DLGAP1: variants seen among roughly 807,000 people sequenced by gnomAD.
DLGAP1 encodes disks large-associated protein 1.
DLGAP1 carries 11 observed loss-of-function variants against 90.8 expected under a neutral mutation model. The ratio of observed to expected loss-of-function variants is 0.12; its 90% CI spans 0.08 to 0.20. The LOEUF (loss-of-function observed/expected upper bound fraction) is 0.20, where lower values mean the gene tolerates loss of function less well. Ranked by LOEUF, DLGAP1 falls within the 10% of genes least tolerant of loss-of-function variation. The pLI, the probability that DLGAP1 is intolerant of heterozygous loss-of-function variation, is 1.00. For missense variants in DLGAP1, 1,050 were observed against 1,333.8 expected (o/e 0.79, Z 3.31); for synonymous variants, 558 against 540.7 (o/e 1.03, Z -0.44).
At chr18:3,741,165 C>CCATCACCATCACCACCACCAT (rs2062972870) in intron 6 of DLGAP1, among the ~76,000 whole-genome samples, 1 of 97,316 alleles carries the variant, frequency 1.0e-5, no homozygotes, top group Non-Finnish European at 2.2e-5. Context: ...ACCACCATCA[C>CCATCACCATCACCACCACCAT]CACCACATCA....
chr18:4,171,321 G>A (rs1352718034), intron 1 of DLGAP1, among the ~76,000 whole-genome samples: 1 of 152,034 alleles, frequency 6.6e-6, no homozygotes, highest in Non-Finnish European at 1.5e-5. Flanking sequence ...AGATCACGAG[G>A]TCAGGAGATT....
At chr18:3,506,380 G>GCA (rs2050217707) in intron 11 of DLGAP1, among the ~76,000 whole-genome samples, 1 of 151,896 alleles carries the variant, frequency 6.6e-6, no homozygotes. Flanking sequence ...GGCTGTGGTG[G>GCA]CGCATGCCTG....
intron 1 of DLGAP1, among the ~76,000 whole-genome samples, chr18:4,249,716 C>A (rs1326878506): frequency 6.6e-6 from 1 of 152,124 alleles, no homozygotes; most frequent in African/African-American, 2.4e-5. Flanking sequence ...GCCTTCCCAG[C>A]AGCTGGGACT....
chr18:4,174,495 C>T lies in DLGAP1; in HGVS notation c.-266-23208G>A, dbSNP rs185721628. On this transcript the variant is annotated intron_variant, in intron 1 of 12. Transcript: ENST00000315677. Reference sequence around the variant, plus strand: ...GATTACAGGCGCCCACCACCACGCCCGGCTAATTTTTGTATTTTTAGTAGA... The same window carrying T: ...GATTACAGGCGCCCACCACCACGCCTGGCTAATTTTTGTATTTTTAGTAGA... Among the ~76,000 whole-genome samples the T allele has an allele frequency of 5.9e-3, 896 of 151,824 alleles. 2 individuals are homozygous for T. The highest frequency in any genetic ancestry group is 0.017 in the African/African-American group (705 of 41,432).
At chr18:3,778,063 T>G (rs1411141768) in intron 5 of DLGAP1, among the ~76,000 whole-genome samples, 1 of 152,218 alleles carries the variant, frequency 6.6e-6, no homozygotes, top group Non-Finnish European at 1.5e-5. Context: ...CTCTAGAATT[T>G]CTGATTAAAG....
intron 1 of DLGAP1, among the ~76,000 whole-genome samples, chr18:4,203,158 C>T (rs1430404614): frequency 6.6e-6 from 1 of 151,762 alleles, no homozygotes; most frequent in Non-Finnish European, 1.5e-5. Flanking sequence ...GCCTGTAGTC[C>T]CAGCTACTTG....
intron 5 of DLGAP1, among the ~76,000 whole-genome samples, chr18:3,782,533 G>A (rs935916762): frequency 6.6e-6 from 1 of 152,226 alleles, no homozygotes; most frequent in African/African-American, 2.4e-5. Context: ...TAAATCAGAA[G>A]AACTCAAGGG....
rs1198410094 is a variant in DLGAP1, at chr18:3,879,704, T to C, written c.365A>G (p.Gln122Arg). ...PLSRDGYHTLQYKRTAVEHRS... is the reference protein window; with the variant it reads ...PLSRDGYHTLRYKRTAVEHRS... ...GTGCTCCACGGCCGTGCGCTTGTAC[T>C]GCAGGGTGTGATAGCCATCGCGGCT... The change falls in exon 4 of 13, where the codon CAG becomes CGG. Residue 122 changes from glutamine (Q) to arginine (R), a missense_variant. This residue lies in a region of DLGAP1 where 485 missense variants were observed against 454.1 expected (regional missense o/e 1.07). Transcript: ENST00000315677. The surrounding 1 kb of genome is among the most constrained non-coding windows in gnomAD (Gnocchi z 6.6). 1.9e-6 allele frequency: 3 copies of C among 1,608,626 alleles called. No homozygotes were observed. Among genetic ancestry groups the C allele is most frequent in the South Asian group, 1.1e-5 (1 of 91,068 alleles).
rs12454847 is a variant in DLGAP1, at chr18:3,951,645, A to G, written c.-73+53471T>C. Among the ~76,000 whole-genome samples, 307 of 152,242 alleles carry G rather than the reference A, an allele frequency of 2.0e-3. 4 individuals are homozygous for G. The highest frequency in any genetic ancestry group is 0.018 in the Admixed American group (281 of 15,286). ...AAATCTCATCTTGAATTGTAATCTG[A>G]ATTGTAATTCCTACGTGTTGGGAGA... On this transcript the variant is annotated intron_variant, in intron 3 of 12. Coordinates refer to ENST00000315677, the MANE Select transcript of DLGAP1 (RefSeq NM_004746.4).
intron 3 of DLGAP1, among the ~76,000 whole-genome samples, chr18:3,993,732 ATC>A (rs1450333215): frequency 2.6e-5 from 4 of 152,074 alleles, no homozygotes; most frequent in African/African-American, 9.7e-5. Flanking sequence ...GAGAGAATGA[ATC>A]TCTCATAGTT....
chr18:4,234,446 T>G (rs2078362633), intron 1 of DLGAP1, among the ~76,000 whole-genome samples: 1 of 152,160 alleles, frequency 6.6e-6, no homozygotes, highest in South Asian at 2.1e-4. Flanking sequence ...TGCTGTACAT[T>G]TTCAATATGT....
intron 2 of DLGAP1, among the ~76,000 whole-genome samples, chr18:4,044,190 C>A (rs1001543939): frequency 1.3e-5 from 2 of 152,192 alleles, no homozygotes; most frequent in African/African-American, 4.8e-5. Context: ...GTCTGGGTTT[C>A]TCTTTCCTGG....
chr18:3,810,388 G>T (rs1205468919), intron 5 of DLGAP1, among the ~76,000 whole-genome samples: 2 of 152,158 alleles, frequency 1.3e-5, no homozygotes, highest in Non-Finnish European at 2.9e-5. Context: ...GAAAGTGTAG[G>T]AGTGCCTTCT....
At chr18:4,083,973 C>A (rs568047917) in intron 2 of DLGAP1, among the ~76,000 whole-genome samples, 1 of 152,076 alleles carries the variant, frequency 6.6e-6, no homozygotes, top group Non-Finnish European at 1.5e-5. Context: ...CTGGAAAAAT[C>A]GGATCACACG....
intron 7 of DLGAP1, among the ~76,000 whole-genome samples, chr18:3,670,723 T>C (rs2060058311): frequency 6.6e-6 from 1 of 152,232 alleles, no homozygotes; most frequent in African/African-American, 2.4e-5. Context: ...TGCTTAAATG[T>C]AAGTCACAAT....
chr18:3,591,683 C>T (rs79410933), intron 7 of DLGAP1, among the ~76,000 whole-genome samples: 597 of 151,792 alleles, frequency 3.9e-3, no homozygotes, highest in Non-Finnish European at 7.3e-3. Context: ...GGCGACAGAG[C>T]AAGACTACGT....
At chr18:3,532,810 A>G (rs1468458590) in intron 10 of DLGAP1, among the ~76,000 whole-genome samples, 1 of 152,230 alleles carries the variant, frequency 6.6e-6, no homozygotes, top group South Asian at 2.1e-4. Context: ...AACATACAAC[A>G]TTAAAATACA....
chr18:3,560,857 T>C (rs943475242), intron 9 of DLGAP1, among the ~76,000 whole-genome samples: 15 of 150,816 alleles, frequency 9.9e-5, no homozygotes, highest in Non-Finnish European at 2.1e-4. Flanking sequence ...TAATTTTACT[T>C]CTCTTTTACC....
chr18:4,031,423 G>A (rs1258341702), intron 2 of DLGAP1, among the ~76,000 whole-genome samples: 4 of 152,040 alleles, frequency 2.6e-5, no homozygotes, highest in African/African-American at 9.7e-5. Flanking sequence ...CTAAAATAAT[G>A]GCCCCCTCAT....
Sources: gnomAD v4.1 joint callset for allele counts (sites outside exome capture counted in the v4.1 genomes callset) on GRCh38, gnomAD v4.1.1 for gene constraint, gnomAD v4.1.1 regional missense constraint, Gnocchi (gnomAD v3.1) non-coding constraint, MANE v1.5 for transcripts, NCBI Gene and HGNC (gene_info 2026-07-23, HGNC 2026-07-21) for gene names.